Variants in SYCP2L observed in about 807,000 individuals in gnomAD.
SYCP2L encodes the protein synaptonemal complex protein 2-like.
Under a neutral mutation model 125.8 loss-of-function variants are expected in SYCP2L, and 98 were observed. That is an observed-to-expected ratio of 0.78 (90% confidence interval 0.66 to 0.92). The LOEUF (loss-of-function observed/expected upper bound fraction) is 0.92, where lower values mean the gene tolerates loss of function less well. Among genes scored for constraint, SYCP2L ranks in the 40% least tolerant of loss-of-function variants. The pLI is 0.00. For synonymous variants in SYCP2L, 317 were observed against 325.4 expected, an observed-to-expected ratio of 0.97 and a Z score of 0.28; for missense variants, 842 against 936.4, an observed-to-expected ratio of 0.90 and a Z score of 1.32.
At chr6:10,924,681 T>C in intron 15 of SYCP2L, 40 bp downstream of exon 15, 1 of 1,457,082 alleles carries the variant, frequency 6.9e-7, no homozygotes. Context: ...AAAAATGTTT[T>C]AGTATGTTTC....
chr6:10,891,399 A>G, intron 1 of SYCP2L, 114 bp from the exon 2 acceptor site: 1 of 845,456 alleles, frequency 1.2e-6, no homozygotes. Flanking sequence ...TCTGTTCAGG[A>G]AAACAATACA....
At chr6:10,906,744 C>T (rs4526188) in intron 9 of SYCP2L, among the ~76,000 whole-genome samples, 141,772 of 151,560 alleles carry the variant, frequency 0.94, 66,747 homozygotes, top group Non-Finnish European at 0.99. Flanking sequence ...ATTACAGGCA[C>T]GCACCGCCAC....
chr6:10,891,657 G>GTA, intron 2 of SYCP2L, 76 bp downstream of exon 2: 3 of 758,440 alleles, frequency 4.0e-6, no homozygotes, highest in Non-Finnish European at 4.2e-6. Flanking sequence ...GTGTGTGTGT[G>GTA]TGTGTGTATG....
At chr6:10,909,637 T>A (rs1343864877) in intron 10 of SYCP2L, among the ~76,000 whole-genome samples, 2 of 152,182 alleles carry the variant, frequency 1.3e-5, no homozygotes, top group Non-Finnish European at 2.9e-5. Flanking sequence ...CTAATAATAG[T>A]CTTTGTTCTT....
At chr6:10,959,789 A>C (rs1781566248) in intron 26 of SYCP2L, among the ~76,000 whole-genome samples, 1 of 151,740 alleles carries the variant, frequency 6.6e-6, no homozygotes, top group South Asian at 2.1e-4. Flanking sequence ...GAATCGCTTG[A>C]ACTCGGGAGG....
chr6:10,930,858 A>G (rs981715887), intron 19 of SYCP2L, among the ~76,000 whole-genome samples: 12 of 152,186 alleles, frequency 7.9e-5, no homozygotes, highest in Non-Finnish European at 1.5e-5. Flanking sequence ...GAAGAGGAGA[A>G]AGGGAAGCAT....
intron 1 of SYCP2L, 41 bp downstream of exon 1, chr6:10,887,176 G>T (rs1455343592): frequency 3.7e-6 from 6 of 1,611,522 alleles, no homozygotes; most frequent in African/African-American, 1.3e-5. Context: ...TGTCCACAGT[G>T]CTAGGGCGCG....
intron 21 of SYCP2L, among the ~76,000 whole-genome samples, chr6:10,939,724 C>A (rs919205038): frequency 6.6e-6 from 1 of 152,146 alleles, no homozygotes; most frequent in African/African-American, 2.4e-5. Context: ...AAAATCAACT[C>A]AAAATAGGTT....
At chr6:10,918,623 G>A (rs1054085258) in intron 14 of SYCP2L, among the ~76,000 whole-genome samples, 1 of 151,652 alleles carries the variant, frequency 6.6e-6, no homozygotes, top group Non-Finnish European at 1.5e-5. Flanking sequence ...TGCAACCTCC[G>A]CCTCCTGGGT....
intron 23 of SYCP2L, among the ~76,000 whole-genome samples, chr6:10,952,786 T>C (rs1159283764): frequency 3.3e-5 from 5 of 152,122 alleles, no homozygotes; most frequent in African/African-American, 4.8e-5. Context: ...AGAGTTGTAA[T>C]TGGGTTCTTT....
Position 10,958,873 on chromosome 6 carries a change from C to A in SYCP2L, c.2253C>A (p.Phe751Leu). Residue 751 changes from phenylalanine to leucine, a missense_variant and splice_region_variant, in exon 26 of 30, where the codon TTC (phenylalanine) becomes TTA (leucine). Phe to Leu is a conservative substitution (Grantham distance 22, BLOSUM62 0). Coordinates refer to ENST00000283141, the MANE Select transcript of SYCP2L (RefSeq NM_001040274.3). ...LIKLLNQMQLFRLNKLERFQN... is the reference protein window; with the variant it reads ...LIKLLNQMQLLRLNKLERFQN... Reference sequence around the variant, plus strand: ...AACTTTTAAACCAGATGCAACTGTTCAGGTAAGTTTTAGGTTTCAAAACAA... The same window carrying A: ...AACTTTTAAACCAGATGCAACTGTTAAGGTAAGTTTTAGGTTTCAAAACAA... 2 of 1,613,730 alleles carry A rather than the reference C, an allele frequency of 1.2e-6. No individual in the cohort carries two copies. Among genetic ancestry groups the A allele is most frequent in the South Asian group, 1.1e-5 (1 of 91,022 alleles).
rs70991066 is a variant in SYCP2L, at chr6:10,888,066, CTTTTTTTTT to C, written c.9+971_9+979del. The stretch of plus-strand genomic sequence containing the variant: ...AATCCTTCCATATAGGTGTTACCAT[CTTTTTTTTT>C]TTTTTTTTTTTTTTTTTTTTTTTTT... On this transcript the variant is annotated intron_variant, in intron 1 of 29. Coordinates refer to ENST00000283141, the MANE Select transcript of SYCP2L (RefSeq NM_001040274.3). Among the ~76,000 whole-genome samples, 307 of 74,308 alleles carry C rather than the reference CTTTTTTTTT, an allele frequency of 4.1e-3. 27 individuals carry two copies. Among genetic ancestry groups the C allele is most frequent in the Admixed American group, 8.6e-3 (47 of 5,436 alleles). The allele number at this position is 74,308 out of a possible 152,430, so 48.7% of individuals were successfully genotyped here. A position where few individuals can be genotyped will look rare whatever the true frequency, so the allele number is the denominator to read the frequency against.
chr6:10,902,982 G>A lies in SYCP2L; in HGVS notation c.641+19G>A, dbSNP rs374358607. On this transcript the variant is annotated intron_variant, in intron 8 of 29. Transcript: ENST00000283141. Reference sequence around the variant, plus strand: ...ATCTTATGTAAGTGACTTTGTATAAGTTACGTGCTGTAGTAAGGGTAAAAT... The same window carrying A: ...ATCTTATGTAAGTGACTTTGTATAAATTACGTGCTGTAGTAAGGGTAAAAT... The A allele has an allele frequency of 5.0e-6, 8 of 1,599,550 alleles. No individual in the cohort carries two copies. The highest frequency in any genetic ancestry group is 6.9e-6 in the Non-Finnish European group (8 of 1,166,922).
intron 14 of SYCP2L, among the ~76,000 whole-genome samples, chr6:10,915,036 G>A (rs543837393): frequency 3.9e-5 from 6 of 152,102 alleles, no homozygotes; most frequent in South Asian, 2.1e-4. Flanking sequence ...GTGAACCACC[G>A]CACCTGGCCC....
chr6:10,973,172 T>G (rs1011320119), intron 29 of SYCP2L, among the ~76,000 whole-genome samples: 2 of 152,148 alleles, frequency 1.3e-5, no homozygotes, highest in African/African-American at 4.8e-5. Flanking sequence ...GGAGTTTGGG[T>G]GGGATGGGAG....
At chr6:10,932,422 G>A (rs541589820) in intron 20 of SYCP2L, among the ~76,000 whole-genome samples, 1 of 152,278 alleles carries the variant, frequency 6.6e-6, no homozygotes, top group South Asian at 2.1e-4. Flanking sequence ...ATATCAGCAA[G>A]TTCGGAGCGG....
intron 29 of SYCP2L, among the ~76,000 whole-genome samples, chr6:10,966,541 T>C (rs1561703930): frequency 6.6e-6 from 1 of 152,274 alleles, no homozygotes; most frequent in East Asian, 1.9e-4. Flanking sequence ...AGTAAAATAA[T>C]TTTTATTCCC....
chr6:10,944,767 T>C (rs1561696625), intron 23 of SYCP2L, among the ~76,000 whole-genome samples: 2 of 152,090 alleles, frequency 1.3e-5, no homozygotes, highest in South Asian at 4.1e-4. Context: ...CAGGCTGGAG[T>C]GTAGTGGCGT....
chr6:10,918,895 C>T (rs565822936), intron 14 of SYCP2L, among the ~76,000 whole-genome samples: 27 of 152,286 alleles, frequency 1.8e-4, no homozygotes, highest in Middle Eastern at 3.4e-3. Flanking sequence ...TTTTGCATTT[C>T]TGTAAGTTGT....
Sources: allele counts gnomAD v4.1 joint callset (sites outside exome capture counted in the v4.1 genomes callset), GRCh38; gene constraint gnomAD v4.1.1; transcripts MANE v1.5; gene names NCBI Gene and HGNC (gene_info 2026-07-23, HGNC 2026-07-21).